LRP1B: variants seen among roughly 807,000 people sequenced by gnomAD.
The protein encoded by LRP1B is low-density lipoprotein receptor-related protein 1B.
LRP1B carries 217 observed loss-of-function variants against 556.6 expected under a neutral mutation model. The observed-to-expected ratio is 0.39, with a 90% CI of 0.35 to 0.44. The LOEUF (loss-of-function observed/expected upper bound fraction) is 0.44, where lower values mean the gene tolerates loss of function less well. LRP1B is among the 20% of genes least tolerant of loss of function. LRP1B has a pLI of 1.00. For synonymous variants in LRP1B, 2,047 were observed against 1,865.8 expected (o/e 1.10, Z -2.50); for missense variants, 5,053 against 5,620.8 (o/e 0.90, Z 3.23).
chr2:141,809,876 A>G (rs1574385107), intron 2 of LRP1B, among the ~76,000 whole-genome samples: 2 of 151,896 alleles, frequency 1.3e-5, no homozygotes, highest in East Asian at 3.9e-4. Flanking sequence ...GAGATAATTT[A>G]TTGGGGAAGG....
At chr2:142,082,387 A>G (rs1705751423) in intron 1 of LRP1B, among the ~76,000 whole-genome samples, 1 of 152,194 alleles carries the variant, frequency 6.6e-6, no homozygotes, top group Non-Finnish European at 1.5e-5. Flanking sequence ...CAAATATTAT[A>G]CCAAGTATTA....
At chr2:140,291,082 C>T (rs13005647) in intron 84 of LRP1B, among the ~76,000 whole-genome samples, 143,846 of 151,476 alleles carry the variant, frequency 0.95, 68,731 homozygotes, top group Middle Eastern at 1. Flanking sequence ...GCAACGTCTC[C>T]GGGATGAAAA....
chr2:140,490,576 T>A (rs1052831986), intron 57 of LRP1B, among the ~76,000 whole-genome samples: 1 of 152,144 alleles, frequency 6.6e-6, no homozygotes, highest in African/African-American at 2.4e-5. Flanking sequence ...TGAGAAAATG[T>A]GCAGAGATAA....
chr2:140,334,924 G>C (rs1423184996), intron 78 of LRP1B, among the ~76,000 whole-genome samples: 2 of 151,908 alleles, frequency 1.3e-5, no homozygotes, highest in African/African-American at 4.8e-5. Context: ...TATTATGGAT[G>C]CTGTATGAAC....
At chr2:142,092,180 G>A (rs1461127141) in intron 1 of LRP1B, among the ~76,000 whole-genome samples, 3 of 152,138 alleles carry the variant, frequency 2.0e-5, no homozygotes, top group Admixed American at 6.5e-5. Context: ...GTGAATAGGG[G>A]TTTCTGTTAC....
intron 2 of LRP1B, among the ~76,000 whole-genome samples, chr2:141,725,420 A>G (rs930968008): frequency 2.6e-5 from 4 of 151,912 alleles, no homozygotes; most frequent in Non-Finnish European, 5.9e-5. Flanking sequence ...AAAGGTCATC[A>G]GAGATCAAAA....
intron 11 of LRP1B, among the ~76,000 whole-genome samples, chr2:141,038,159 CTGGGAGGGG>C (rs752183658): frequency 2.0e-5 from 3 of 151,368 alleles, no homozygotes; most frequent in Non-Finnish European, 4.4e-5. Context: ...ATCTAGCAAG[CTGGGAGGGG>C]TGGGAAAATA....
chr2:141,360,603 G>T (rs951968027), intron 3 of LRP1B, among the ~76,000 whole-genome samples: 4 of 152,276 alleles, frequency 2.6e-5, no homozygotes, highest in Admixed American at 6.5e-5. Context: ...TGGTGTAACT[G>T]AACCACTGTA....
intron 18 of LRP1B, among the ~76,000 whole-genome samples, chr2:140,964,406 A>C (rs1376832346): frequency 1.3e-5 from 2 of 152,020 alleles, no homozygotes; most frequent in African/African-American, 4.8e-5. Flanking sequence ...CCCCCAGGGA[A>C]AGGGAGACCT....
chr2:141,504,825 G>A (rs1683863501), intron 2 of LRP1B, among the ~76,000 whole-genome samples: 2 of 152,052 alleles, frequency 1.3e-5, no homozygotes, highest in South Asian at 4.1e-4. Flanking sequence ...TCAAATGAGT[G>A]TAAATTAAAA....
chr2:141,428,933 T>A (rs953881807), intron 3 of LRP1B, among the ~76,000 whole-genome samples: 4 of 152,168 alleles, frequency 2.6e-5, no homozygotes, highest in African/African-American at 9.7e-5. Context: ...GAATTAATAG[T>A]TTGGTATTTA....
Position 140,484,241 on chromosome 2 carries a change from C to T in LRP1B, c.9425+1102G>A, listed in dbSNP as rs79886589. Among the ~76,000 whole-genome samples, 765 of 152,194 alleles carry T rather than the reference C, an allele frequency of 5.0e-3. 4 individuals carry two copies. The highest frequency in any genetic ancestry group is 0.015 in the African/African-American group (638 of 41,538). On this transcript the variant is annotated intron_variant, in intron 59 of 90. Coordinates refer to ENST00000389484, the MANE Select transcript of LRP1B (RefSeq NM_018557.3). Reference sequence around the variant, plus strand: ...AAAATACGTGCACAGTACAAAGCTTCTCCTATTAGGTACTATTTTTACCTA... The same window carrying T: ...AAAATACGTGCACAGTACAAAGCTTTTCCTATTAGGTACTATTTTTACCTA...
At chr2:141,583,918 T>TA (rs1687037578) in intron 2 of LRP1B, among the ~76,000 whole-genome samples, 1 of 151,618 alleles carries the variant, frequency 6.6e-6, no homozygotes, top group South Asian at 2.1e-4. Flanking sequence ...TTTTTTTTTT[T>TA]TAGTAGCGAT....
chr2:141,431,249 T>C (rs1364343297), intron 3 of LRP1B, among the ~76,000 whole-genome samples: 3 of 151,080 alleles, frequency 2.0e-5, no homozygotes, highest in African/African-American at 4.9e-5. Flanking sequence ...CAGAGAGATG[T>C]AGCAGAAGAG....
intron 43 of LRP1B, among the ~76,000 whole-genome samples, chr2:140,557,687 G>A (rs1384904720): frequency 6.6e-6 from 1 of 152,250 alleles, no homozygotes; most frequent in East Asian, 1.9e-4. Context: ...TGTATTGGCT[G>A]TTCTCTATGC....
intron 23 of LRP1B, among the ~76,000 whole-genome samples, chr2:140,901,830 T>A (rs903388790): frequency 6.6e-6 from 1 of 152,160 alleles, no homozygotes; most frequent in Admixed American, 6.6e-5. Flanking sequence ...ATATTTTAAT[T>A]CCTATTCTAA....
In LRP1B at chr2:140,414,339, A is replaced by G. The variant is rs150134238; in HGVS notation, c.10414+28165T>C. On this transcript the variant is annotated intron_variant, in intron 66 of 90. Coordinates refer to ENST00000389484, the MANE Select transcript of LRP1B (RefSeq NM_018557.3). ...TTAGTTTCAGCTTCCTGTAATTTCT[A>G]CAACTAAATCTCTGATCTAGGGCCT... Among the ~76,000 whole-genome samples, 37 of 152,304 alleles carry G rather than the reference A, an allele frequency of 2.4e-4. No homozygotes were observed. In the East Asian group the frequency reaches 4.0e-3, roughly 17 times the overall value.
At chr2:141,661,372 C>T (rs912994466) in intron 2 of LRP1B, among the ~76,000 whole-genome samples, 21 of 152,078 alleles carry the variant, frequency 1.4e-4, no homozygotes, top group African/African-American at 4.6e-4. Flanking sequence ...TAGGTAATAC[C>T]GAACTTCACT....
At chr2:140,518,473 G>GA in intron 49 of LRP1B, among the ~76,000 whole-genome samples, 1 of 152,026 alleles carries the variant, frequency 6.6e-6, no homozygotes. Context: ...TCACAAAAAA[G>GA]AAAAATAAAA....
Sources: gnomAD v4.1 joint callset for allele counts (sites outside exome capture counted in the v4.1 genomes callset) on GRCh38, gnomAD v4.1.1 for gene constraint, MANE v1.5 for transcripts, NCBI Gene and HGNC (gene_info 2026-07-23, HGNC 2026-07-21) for gene names.